The following RPS6KC1 variants were observed in gnomAD, a reference collection of about 807,000 sequenced individuals.
RPS6KC1 encodes the protein inactive ribosomal protein S6 kinase delta-1.
In RPS6KC1, 54 loss-of-function variants were observed where a neutral mutation model predicts 103.8. That is an observed-to-expected ratio of 0.52 (90% CI 0.42 to 0.65). The LOEUF (loss-of-function observed/expected upper bound fraction) is 0.65, where lower values mean the gene tolerates loss of function less well. Among genes scored for constraint, RPS6KC1 ranks in the 30% least tolerant of loss-of-function variants. The pLI, the probability that RPS6KC1 is intolerant of heterozygous loss-of-function variation, is 0.00. For missense variants in RPS6KC1, 1,151 were observed against 1,253.8 expected, an observed-to-expected ratio of 0.92 and a Z score of 1.24; for synonymous variants, 439 against 438.7, an observed-to-expected ratio of 1.00 and a Z score of -0.01.
At chr1:213,219,014 T>G (rs898775273) in intron 8 of RPS6KC1, among the ~76,000 whole-genome samples, 23 of 152,158 alleles carry the variant, frequency 1.5e-4, no homozygotes, top group Admixed American at 5.9e-4. Context: ...TGACAAATGG[T>G]ATCTAATTAA....
At position 213,244,254 on chromosome 1, in the gene RPS6KC1, G is replaced by A. The variant is rs545914162; in HGVS notation, c.2911+1596G>A. On this transcript the variant is annotated intron_variant, in intron 12 of 14. Transcript: ENST00000366960. ...TAATTTGATAAGAAATAACATTTTA[G>A]GTTCCAGTGTACTTAGAAATATATT... Among the ~76,000 whole-genome samples the A allele has an allele frequency of 1.3e-3, 203 of 150,934 alleles. 1 individual carries two copies. Among genetic ancestry groups the A allele is most frequent in the Non-Finnish European group, 2.2e-3 (151 of 67,722 alleles).
chr1:213,291,103 G>A, the RPS6KC1 span, among the ~76,000 whole-genome samples: 6 of 152,164 alleles, frequency 3.9e-5, no homozygotes, highest in East Asian at 1.9e-4. Context: ...GGCTTAAATA[G>A]CAACTCTGAA....
intron 8 of RPS6KC1, among the ~76,000 whole-genome samples, chr1:213,212,293 G>A (rs2093530736): frequency 6.6e-6 from 1 of 151,024 alleles, no homozygotes; most frequent in Admixed American, 6.6e-5. Flanking sequence ...CCACAGTTTT[G>A]CCTTTTCCAG....
chr1:213,711,879 T>C, the RPS6KC1 span, among the ~76,000 whole-genome samples: 1 of 152,182 alleles, frequency 6.6e-6, no homozygotes, highest in East Asian at 1.9e-4. Flanking sequence ...TGCTCCTTCC[T>C]CAGGAAGCTT....
intron 8 of RPS6KC1, among the ~76,000 whole-genome samples, chr1:213,205,757 C>T (rs1034459614): frequency 1.3e-5 from 2 of 151,082 alleles, no homozygotes; most frequent in Non-Finnish European, 3.0e-5. Context: ...TATTCTGTAT[C>T]CCTATCAGTT....
chr1:213,219,623 C>T (rs1024832350), intron 8 of RPS6KC1, among the ~76,000 whole-genome samples: 2 of 152,024 alleles, frequency 1.3e-5, no homozygotes, highest in Admixed American at 1.3e-4. Flanking sequence ...TGTCCAACAA[C>T]AATAGACTGG....
chr1:213,456,899 T>C, the RPS6KC1 span, among the ~76,000 whole-genome samples: 1 of 152,202 alleles, frequency 6.6e-6, no homozygotes, highest in Non-Finnish European at 1.5e-5. Context: ...TGGCTATGAA[T>C]CTCTTTTTTT....
intron 8 of RPS6KC1, among the ~76,000 whole-genome samples, chr1:213,203,115 T>C (rs915177637): frequency 1.3e-5 from 2 of 152,162 alleles, no homozygotes; most frequent in East Asian, 3.8e-4. Context: ...GTAGTACAGA[T>C]TGAGTTTCCT....
At chr1:213,410,488 G>A in the RPS6KC1 span, among the ~76,000 whole-genome samples, 2 of 152,110 alleles carry the variant, frequency 1.3e-5, no homozygotes, top group African/African-American at 2.4e-5. Flanking sequence ...TAGGGGAGGG[G>A]TTTTAAGGAG....
At chr1:213,146,195 A>G (rs2087802387) in intron 6 of RPS6KC1, among the ~76,000 whole-genome samples, 1 of 150,704 alleles carries the variant, frequency 6.6e-6, no homozygotes, top group Non-Finnish European at 1.5e-5. Flanking sequence ...TTTCAGTTCC[A>G]TCCATGGCGT....
the RPS6KC1 span, among the ~76,000 whole-genome samples, chr1:213,709,481 T>C: frequency 2.6e-4 from 39 of 151,912 alleles, no homozygotes; most frequent in Non-Finnish European, 2.7e-4. Flanking sequence ...TCTATTTTCT[T>C]AATCTTTTCA....
chr1:213,821,798 A>G, the RPS6KC1 span: 1 of 152,246 alleles, frequency 6.6e-6, no homozygotes, highest in African/African-American at 2.4e-5. Context: ...TTCATCTCCC[A>G]AGAGGAGAAA....
At chr1:213,413,666 T>C in the RPS6KC1 span, among the ~76,000 whole-genome samples, 1 of 152,224 alleles carries the variant, frequency 6.6e-6, no homozygotes, top group Non-Finnish European at 1.5e-5. Context: ...CCCCAGAGCA[T>C]ATGAACCAAG....
the RPS6KC1 span, among the ~76,000 whole-genome samples, chr1:213,735,031 C>T: frequency 2.6e-5 from 4 of 152,210 alleles, no homozygotes; most frequent in African/African-American, 4.8e-5. Flanking sequence ...TCACGCCATT[C>T]TTCTGCCTCA....
At chr1:213,512,798 A>G in the RPS6KC1 span, among the ~76,000 whole-genome samples, 2 of 152,194 alleles carry the variant, frequency 1.3e-5, no homozygotes, top group Non-Finnish European at 2.9e-5. Context: ...ACCATTTACC[A>G]TCTATCTCTA....
chr1:213,151,055 C>A (rs2088720085), intron 6 of RPS6KC1, among the ~76,000 whole-genome samples: 1 of 147,368 alleles, frequency 6.8e-6, no homozygotes, highest in South Asian at 2.2e-4. Context: ...TCCTCACTTC[C>A]CAGTAGGGGC....
the RPS6KC1 span, among the ~76,000 whole-genome samples, chr1:213,682,700 GA>G: frequency 6.6e-6 from 1 of 152,084 alleles, no homozygotes; most frequent in African/African-American, 2.4e-5. Context: ...TATTTGTGAA[GA>G]AAAAAATCCA....
the RPS6KC1 span, among the ~76,000 whole-genome samples, chr1:213,404,518 T>G: frequency 6.6e-6 from 1 of 152,198 alleles, no homozygotes; most frequent in Non-Finnish European, 1.5e-5. Context: ...CCACAAACAT[T>G]TAGTGAATCC....
chr1:213,254,682 C>A (rs1044801591), intron 12 of RPS6KC1, among the ~76,000 whole-genome samples: 2 of 152,178 alleles, frequency 1.3e-5, no homozygotes, highest in Admixed American at 1.3e-4. Flanking sequence ...ATAACCAGAG[C>A]CCTGGCAATA....
Sources: gnomAD v4.1 joint callset for allele counts (sites outside exome capture counted in the v4.1 genomes callset) on GRCh38, gnomAD v4.1.1 for gene constraint, MANE v1.5 for transcripts, NCBI Gene and HGNC (gene_info 2026-07-23, HGNC 2026-07-21) for gene names.